SHISA9: variants seen among roughly 807,000 people sequenced by gnomAD.
SHISA9 encodes the protein shisa family member 9.
In SHISA9, 13 loss-of-function variants were observed where a neutral mutation model predicts 38.0. That is an observed-to-expected ratio of 0.34 (90% CI 0.22 to 0.54). The LOEUF (loss-of-function observed/expected upper bound fraction) is 0.54, where lower values mean the gene tolerates loss of function less well. Among genes scored for constraint, SHISA9 ranks in the 20% least tolerant of loss-of-function variants. SHISA9 has a pLI of 0.91. For missense variants in SHISA9, 538 were observed against 575.8 expected, an observed-to-expected ratio of 0.93 and a Z score of 0.67; for synonymous variants, 275 against 242.0, an observed-to-expected ratio of 1.14 and a Z score of -1.27.
At chr16:13,505,383 T>C in the SHISA9 span, among the ~76,000 whole-genome samples, 1 of 152,176 alleles carries the variant, frequency 6.6e-6, no homozygotes, top group Non-Finnish European at 1.5e-5. Flanking sequence ...CCTGGGGTAA[T>C]GGAGAAAGAA....
the SHISA9 span, among the ~76,000 whole-genome samples, chr16:13,503,140 G>A: frequency 6.6e-6 from 1 of 152,142 alleles, no homozygotes; most frequent in Non-Finnish European, 1.5e-5. Flanking sequence ...TCAGGTAGTT[G>A]GAATGATAAA....
At chr16:13,369,610 C>T in the SHISA9 span, among the ~76,000 whole-genome samples, 6 of 151,016 alleles carry the variant, frequency 4.0e-5, no homozygotes, top group South Asian at 2.1e-4. Flanking sequence ...AAACTGCTGC[C>T]GCTTCTCGGT....
intron 2 of SHISA9, among the ~76,000 whole-genome samples, chr16:13,067,288 G>A (rs1328808680): frequency 6.6e-6 from 1 of 152,200 alleles, no homozygotes; most frequent in South Asian, 2.1e-4. Flanking sequence ...GAACCTAGAA[G>A]GAACCTAGAT....
At chr16:13,199,736 A>T (rs555200336) in intron 2 of SHISA9, among the ~76,000 whole-genome samples, 3 of 152,214 alleles carry the variant, frequency 2.0e-5, no homozygotes, top group Admixed American at 1.3e-4. Context: ...TTGGCCCAGC[A>T]TAGATCACAT....
Position 13,048,464 on chromosome 16 carries a change from C to G in SHISA9, c.691+131649C>G, listed in dbSNP as rs147609182. Among the ~76,000 whole-genome samples the G allele has an allele frequency of 9.1e-3, 1,385 of 152,294 alleles. 29 individuals are homozygous for G. The highest frequency in any genetic ancestry group is 0.032 in the African/African-American group (1,321 of 41,570). On this transcript the variant is annotated intron_variant, in intron 2 of 4. Coordinates refer to ENST00000558583, the MANE Select transcript of SHISA9 (RefSeq NM_001145204.3). ...TGAGACGGAGTCTAGCTTTGTCACCCAGGCTGGGGTGCAATGGCATGATCT... is the reference window on the plus strand; with the variant it reads ...TGAGACGGAGTCTAGCTTTGTCACCGAGGCTGGGGTGCAATGGCATGATCT...
At chr16:13,244,270 G>A (rs2051456394), downstream of SHISA9, among the ~76,000 whole-genome samples, 1 of 152,050 alleles carries the variant, frequency 6.6e-6, no homozygotes, top group South Asian at 2.1e-4. Context: ...ACTCACATTT[G>A]TGATATGGTA....
the SHISA9 span, among the ~76,000 whole-genome samples, chr16:13,557,699 A>G: frequency 1.4e-3 from 213 of 152,302 alleles, 1 homozygote; most frequent in Non-Finnish European, 2.2e-3. Context: ...GCTCAAGTTC[A>G]AGGACTTTTG....
chr16:13,540,977 C>T, the SHISA9 span, among the ~76,000 whole-genome samples: 253 of 152,282 alleles, frequency 1.7e-3, no homozygotes, highest in African/African-American at 5.9e-3. Context: ...TATTCATTGG[C>T]ATCAGTCACT....
At chr16:13,372,316 A>T in the SHISA9 span, among the ~76,000 whole-genome samples, 5 of 152,312 alleles carry the variant, frequency 3.3e-5, no homozygotes, top group African/African-American at 9.6e-5. Context: ...GTGCTGGGCT[A>T]GATCATGGGA....
At chr16:13,076,431 T>G (rs13331725) in intron 2 of SHISA9, among the ~76,000 whole-genome samples, 9,275 of 152,258 alleles carry the variant, frequency 0.061, 421 homozygotes, top group Admixed American at 0.14. Flanking sequence ...ATAGATGACA[T>G]TACTTCTTTA....
chr16:13,092,474 C>T lies in SHISA9; in HGVS notation c.692-110920C>T, dbSNP rs564030247. Among the ~76,000 whole-genome samples, 23 of 152,324 alleles carry T rather than the reference C, an allele frequency of 1.5e-4. No individual in the cohort carries two copies. The East Asian group carries it at 3.7e-3, about 24-fold the overall frequency. The stretch of plus-strand genomic sequence containing the variant: ...GGCCTTGTTGAGCTGTGGTGGGCTC[C>T]GTCCAGTTCGAGCTTCCTGGCCACT... On this transcript the variant is annotated intron_variant, in intron 2 of 4. Transcript: ENST00000558583.
intron 2 of SHISA9, among the ~76,000 whole-genome samples, chr16:13,152,753 A>G (rs1405345536): frequency 6.6e-6 from 1 of 152,198 alleles, no homozygotes; most frequent in Admixed American, 6.5e-5. Flanking sequence ...CTGAAGAAGG[A>G]AGAATAGATA....
intron 2 of SHISA9, among the ~76,000 whole-genome samples, chr16:12,964,993 TTATA>T (rs1371318251): frequency 6.6e-6 from 1 of 152,184 alleles, no homozygotes; most frequent in Admixed American, 6.6e-5. Context: ...TAGTTTATCC[TTATA>T]TATATCTCCA....
the SHISA9 span, among the ~76,000 whole-genome samples, chr16:13,335,195 C>T: frequency 3.9e-4 from 60 of 152,318 alleles, no homozygotes; most frequent in African/African-American, 1.3e-3. Context: ...ATCTTCAGGC[C>T]TAGTCAGACC....
the SHISA9 span, among the ~76,000 whole-genome samples, chr16:13,371,481 T>C: frequency 6.6e-6 from 1 of 152,178 alleles, no homozygotes; most frequent in Non-Finnish European, 1.5e-5. Context: ...TCATTTGATG[T>C]GGGGTGGAGC....
intron 2 of SHISA9, among the ~76,000 whole-genome samples, chr16:13,109,573 A>G (rs1442037658): frequency 6.6e-6 from 1 of 152,248 alleles, no homozygotes; most frequent in Non-Finnish European, 1.5e-5. Context: ...CATTTTAAGT[A>G]TACAATTCAA....
At chr16:13,211,386 A>G (rs867879795) in intron 3 of SHISA9, among the ~76,000 whole-genome samples, 5 of 152,134 alleles carry the variant, frequency 3.3e-5, no homozygotes, top group African/African-American at 7.2e-5. Context: ...GAGGTATGCT[A>G]TACTGGAGGT....
chr16:13,152,714 C>G (rs1316470323), intron 2 of SHISA9, among the ~76,000 whole-genome samples: 1 of 151,774 alleles, frequency 6.6e-6, no homozygotes, highest in East Asian at 1.9e-4. Flanking sequence ...GATGGAACAC[C>G]CAGTTTGATG....
the SHISA9 span, among the ~76,000 whole-genome samples, chr16:13,361,819 C>G: frequency 3.3e-5 from 5 of 152,158 alleles, no homozygotes; most frequent in Non-Finnish European, 7.3e-5. Context: ...ATACAATAGG[C>G]TTAAAGAAAT....
Sources: allele counts gnomAD v4.1 joint callset (sites outside exome capture counted in the v4.1 genomes callset), GRCh38; gene constraint gnomAD v4.1.1; transcripts MANE v1.5; gene names NCBI Gene and HGNC (gene_info 2026-07-23, HGNC 2026-07-21).